The following TAX1BP1 variants were observed in gnomAD, a reference collection of about 807,000 sequenced individuals.
TAX1BP1 encodes Tax1 binding protein 1, also known as tax1-binding protein 1.
Under a neutral mutation model 97.7 loss-of-function variants are expected in TAX1BP1, and 62 were observed. That is an observed-to-expected ratio of 0.63 (90% CI 0.52 to 0.78). The LOEUF is 0.78. Among genes scored for constraint, TAX1BP1 ranks in the 30% least tolerant of loss-of-function variants. The pLI is 0.00. For missense variants in TAX1BP1, 867 were observed against 916.1 expected (o/e 0.95, Z 0.69); for synonymous variants, 340 against 304.2 (o/e 1.12, Z -1.23).
chr7:27,765,744 GGAAT>G lies in TAX1BP1; in HGVS notation c.266-87_266-84del, dbSNP rs1412760205. The G allele has an allele frequency of 2.7e-6, 3 of 1,112,490 alleles. No individual in the cohort carries two copies. The African/African-American group carries it at 4.7e-5, about 17-fold the overall frequency. 68.9% of individuals were successfully genotyped at this position (1,112,490 alleles called of 1,614,324 possible). On this transcript the variant is annotated intron_variant, in intron 3 of 16. Coordinates refer to ENST00000396319, the MANE Select transcript of TAX1BP1 (RefSeq NM_006024.7). ...CAGATTCTTGTCAAGAACAGTGTGGGGAATGAGACATGGCAAGTATTGTTAAATT... is the reference window on the plus strand; with the variant it reads ...CAGATTCTTGTCAAGAACAGTGTGGGGAGACATGGCAAGTATTGTTAAATT...
chr7:27,818,153 G>A (rs1775710924), intron 15 of TAX1BP1, among the ~76,000 whole-genome samples: 1 of 151,988 alleles, frequency 6.6e-6, no homozygotes, highest in Non-Finnish European at 1.5e-5. Flanking sequence ...CTTCTCTTCC[G>A]TAGTCATCTG....
At chr7:27,790,118 T>G (rs1469923274) in intron 8 of TAX1BP1, among the ~76,000 whole-genome samples, 1 of 152,020 alleles carries the variant, frequency 6.6e-6, no homozygotes, top group Non-Finnish European at 1.5e-5. Flanking sequence ...ATTGAATTTA[T>G]GAATATACGT....
intron 5 of TAX1BP1, among the ~76,000 whole-genome samples, chr7:27,779,542 T>G (rs149197852): frequency 2.6e-5 from 4 of 152,372 alleles, no homozygotes; most frequent in African/African-American, 9.6e-5. Context: ...AATTTGGGTA[T>G]GATCAGTGAT....
At chr7:27,797,351 T>G (rs979489998) in intron 12 of TAX1BP1, among the ~76,000 whole-genome samples, 13 of 152,136 alleles carry the variant, frequency 8.5e-5, no homozygotes, top group Non-Finnish European at 1.6e-4. Flanking sequence ...GCAGCCTTCT[T>G]GGTGTAGTAT....
chr7:27,800,787 C>T (rs575676624), intron 13 of TAX1BP1, among the ~76,000 whole-genome samples: 4 of 151,712 alleles, frequency 2.6e-5, no homozygotes, highest in African/African-American at 9.7e-5. Flanking sequence ...ACAGACAAGC[C>T]CAAATGATAA....
At chr7:27,741,852 G>C (rs1035575728) in intron 1 of TAX1BP1, among the ~76,000 whole-genome samples, 5 of 152,214 alleles carry the variant, frequency 3.3e-5, no homozygotes, top group African/African-American at 9.7e-5. Flanking sequence ...GTGTTTCTCC[G>C]AGAGGGGGCT....
At chr7:27,748,772 T>A in intron 2 of TAX1BP1, 86 bp downstream of exon 2, 1 of 1,042,654 alleles carries the variant, frequency 9.6e-7, no homozygotes, top group Non-Finnish European at 1.3e-6. Context: ...TTACTTGCCT[T>A]AACTCTGCAT....
intron 5 of TAX1BP1, among the ~76,000 whole-genome samples, chr7:27,782,262 AGTCTTTCTCT>A (rs1426720580): frequency 8.6e-5 from 13 of 151,820 alleles, no homozygotes; most frequent in Admixed American, 2.6e-4. Flanking sequence ...TTTGAGATGG[AGTCTTTCTCT>A]GTCGCCCAGG....
chr7:27,826,785 C>T lies in TAX1BP1; in HGVS notation c.2086-953C>T, dbSNP rs568262972. On this transcript the variant is annotated intron_variant, in intron 15 of 16. Coordinates refer to ENST00000396319, the MANE Select transcript of TAX1BP1 (RefSeq NM_006024.7). ...AATTTTTAGAAGTCTCACTTGACAA[C>T]CTCTGAAATATTTAACTTTGGATTT... is the stretch of plus-strand genomic sequence containing the variant. Among the ~76,000 whole-genome samples the T allele has an allele frequency of 3.5e-4, 54 of 152,286 alleles. No individual in the cohort carries two copies. The South Asian group carries it at 0.01, about 29-fold the overall frequency.
chr7:27,805,200 A>AT (rs1790290456), intron 13 of TAX1BP1, among the ~76,000 whole-genome samples: 1 of 152,188 alleles, frequency 6.6e-6, no homozygotes, highest in Non-Finnish European at 1.5e-5. Context: ...TAATTTTTGC[A>AT]TATGGGAGAG....
chr7:27,806,470 C>A (rs1191711205), intron 13 of TAX1BP1, among the ~76,000 whole-genome samples: 2 of 151,576 alleles, frequency 1.3e-5, no homozygotes, highest in Non-Finnish European at 2.9e-5. Context: ...TTATCTCGTT[C>A]TAAATTGCTA....
At chr7:27,801,173 TA>T (rs1790125625) in intron 13 of TAX1BP1, among the ~76,000 whole-genome samples, 1 of 143,786 alleles carries the variant, frequency 7.0e-6, no homozygotes, top group African/African-American at 2.6e-5. Context: ...TAAGTAGAAA[TA>T]TGTATTTCTT....
At chr7:27,764,165 T>G (rs893016509) in intron 3 of TAX1BP1, among the ~76,000 whole-genome samples, 3 of 152,250 alleles carry the variant, frequency 2.0e-5, no homozygotes, top group Admixed American at 6.5e-5. Flanking sequence ...ACAGTACTAT[T>G]GACTAAAGTA....
intron 3 of TAX1BP1, among the ~76,000 whole-genome samples, chr7:27,763,603 C>T (rs1452848983): frequency 6.6e-6 from 1 of 152,084 alleles, no homozygotes; most frequent in African/African-American, 2.4e-5. Context: ...CCCGTCTCCA[C>T]TAAAATACAA....
At chr7:27,797,313 A>G (rs1367755425) in intron 12 of TAX1BP1, among the ~76,000 whole-genome samples, 2 of 152,018 alleles carry the variant, frequency 1.3e-5, no homozygotes, top group African/African-American at 4.8e-5. Flanking sequence ...GATTATTTTA[A>G]ACAGCTTCAT....
chr7:27,767,647 T>C (rs1214152284), intron 4 of TAX1BP1, among the ~76,000 whole-genome samples: 1 of 152,130 alleles, frequency 6.6e-6, no homozygotes, highest in Admixed American at 6.5e-5. Context: ...AGTCAGTATT[T>C]ATATTGTAGC....
At chr7:27,778,474 TA>T (rs1449199420) in intron 5 of TAX1BP1, among the ~76,000 whole-genome samples, 1 of 152,184 alleles carries the variant, frequency 6.6e-6, no homozygotes, top group Admixed American at 6.6e-5. Context: ...ATAGGTTCTG[TA>T]AGATTGTATC....
chr7:27,796,519 A>G (rs572762448), intron 12 of TAX1BP1, among the ~76,000 whole-genome samples: 61 of 152,354 alleles, frequency 4.0e-4, no homozygotes, highest in African/African-American at 1.4e-3. Context: ...TCGTATAAAG[A>G]TGCATGAAAA....
intron 7 of TAX1BP1, among the ~76,000 whole-genome samples, chr7:27,786,113 T>G (rs1419725991): frequency 6.6e-6 from 1 of 152,026 alleles, no homozygotes; most frequent in Non-Finnish European, 1.5e-5. Context: ...TAACAAATCT[T>G]GACCGCTTGA....
Sources: gnomAD v4.1 joint callset for allele counts (sites outside exome capture counted in the v4.1 genomes callset) on GRCh38, gnomAD v4.1.1 for gene constraint, MANE v1.5 for transcripts, NCBI Gene and HGNC (gene_info 2026-07-23, HGNC 2026-07-21) for gene names.